The following FRMD7 variants were observed in gnomAD, a reference collection of about 807,000 sequenced individuals.
The protein encoded by FRMD7 is FERM domain-containing protein 7.
Under a neutral mutation model 44.1 loss-of-function variants are expected in FRMD7, and 14 were observed. That is an observed-to-expected ratio of 0.32 (90% CI 0.21 to 0.50). The LOEUF (loss-of-function observed/expected upper bound fraction) is 0.50, where lower values mean the gene tolerates loss of function less well. Among genes scored for constraint, FRMD7 ranks in the 20% least tolerant of loss-of-function variants. The pLI is 0.99. For missense variants in FRMD7, 501 were observed against 522.3 expected (o/e 0.96, Z 0.40); for synonymous variants, 212 against 187.4 (o/e 1.13, Z -1.07).
chrX:132,081,089 C>A (rs1368699221), intron 9 of FRMD7, among the ~76,000 whole-genome samples: 2 of 111,627 alleles, frequency 1.8e-5, no homozygotes, highest in Non-Finnish European at 3.8e-5. Flanking sequence ...AATTCGAGCA[C>A]TTTGGGAGGC....
intron 3 of FRMD7, among the ~76,000 whole-genome samples, chrX:132,098,689 T>TAAACA (rs1928413106): frequency 9.5e-6 from 1 of 104,860 alleles, no homozygotes; most frequent in Admixed American, 1.1e-4. Context: ...TGGAATTTTG[T>TAAACA]TTTCAATAGA....
At chrX:132,109,425 A>C (rs1928725499) in intron 1 of FRMD7, among the ~76,000 whole-genome samples, 1 of 111,801 alleles carries the variant, frequency 8.9e-6, no homozygotes, top group Non-Finnish European at 1.9e-5. Context: ...CTCTGGGCTT[A>C]ATTTTCATGT....
chrX:132,080,738 T>C (rs5933063), intron 9 of FRMD7, among the ~76,000 whole-genome samples: 34,796 of 110,116 alleles, frequency 0.32, 4,437 homozygotes, highest in African/African-American at 0.43. Flanking sequence ...TGCTTGAGCC[T>C]GGGAGGCAAG....
chrX:132,100,050 G>A (rs1207793401), intron 2 of FRMD7, among the ~76,000 whole-genome samples: 1 of 112,257 alleles, frequency 8.9e-6, no homozygotes, highest in Non-Finnish European at 1.9e-5. Flanking sequence ...CTCTGGAAAG[G>A]CAAAATTGAT....
At chrX:132,113,895 T>G (rs1446977452) in intron 1 of FRMD7, among the ~76,000 whole-genome samples, 1 of 110,431 alleles carries the variant, frequency 9.1e-6, no homozygotes. Flanking sequence ...TCTATTTTTT[T>G]TTCTACTGAT....
At chrX:132,117,688 A>G (rs1449634568) in intron 1 of FRMD7, among the ~76,000 whole-genome samples, 1 of 112,146 alleles carries the variant, frequency 8.9e-6, no homozygotes, top group Admixed American at 9.4e-5. Flanking sequence ...AGCTCAATGC[A>G]TGTGATGTAA....
At chrX:132,094,252 C>T (rs1038081114) in intron 4 of FRMD7, 113 bp from the exon 5 acceptor site, 1 of 538,085 alleles carries the variant, frequency 1.9e-6, no homozygotes, top group Non-Finnish European at 3.2e-6. Flanking sequence ...CCCAGTCAGT[C>T]AGATGCCTTT....
chrX:132,097,356 A>G lies in FRMD7; in HGVS notation c.206-12T>C, dbSNP rs1348399023. On this transcript the variant is annotated splice_polypyrimidine_tract_variant and intron_variant, in intron 3 of 11. Coordinates refer to ENST00000298542, the MANE Select transcript of FRMD7 (RefSeq NM_194277.3). ...AATCTCCTTAGGATCTTAAAACACA[A>G]TATCTCCATAAGTTTTATTTAAATG... The G allele has an allele frequency of 9.8e-7, 1 of 1,021,807 alleles. No individual in the cohort carries two copies. The allele number at this position is 1,021,807 out of a possible 1,213,427, so 84.2% of individuals were successfully genotyped here.
intron 1 of FRMD7, among the ~76,000 whole-genome samples, chrX:132,111,563 G>A (rs1167969506): frequency 8.9e-6 from 1 of 112,050 alleles, no homozygotes; most frequent in Non-Finnish European, 1.9e-5. Flanking sequence ...ATCTATAATA[G>A]TATAAGCACA....
intron 1 of FRMD7, among the ~76,000 whole-genome samples, chrX:132,118,380 AGAGT>A (rs931118596): frequency 1.5e-4 from 17 of 110,367 alleles, no homozygotes; most frequent in Non-Finnish European, 2.8e-4. Flanking sequence ...GACGCATTGA[AGAGT>A]GAGTAGGGCA....
intron 10 of FRMD7, 44 bp downstream of exon 10, chrX:132,080,154 T>C: frequency 8.8e-7 from 1 of 1,141,021 alleles, no homozygotes; most frequent in Non-Finnish European, 1.2e-6. Context: ...AATCTCCAAA[T>C]TCAACATAAA....
intron 1 of FRMD7, among the ~76,000 whole-genome samples, chrX:132,110,728 C>T (rs1316626318): frequency 8.9e-6 from 1 of 112,354 alleles, no homozygotes; most frequent in East Asian, 2.8e-4. Context: ...CAGAACATTC[C>T]TCACCAATGT....
In FRMD7 at chrX:132,078,400, T is replaced by A. The variant is rs759297206; in HGVS notation, c.1617A>T (p.Arg539Ser). 8 of 1,209,836 alleles carry A rather than the reference T, an allele frequency of 6.6e-6. No individual in the cohort carries two copies. The highest frequency in any genetic ancestry group is 8.9e-6 in the Non-Finnish European group (8 of 895,072). Residue 539 changes from arginine to serine, a missense_variant, in exon 12 of 12, where the codon AGA (arginine) becomes AGT (serine). This residue lies in a region of FRMD7 where 453 missense variants were observed against 452.7 expected (regional missense o/e 1.00). Transcript: ENST00000298542. ...KPAERSPRNIRMKSFQQDLQV... is the reference protein window; with the variant it reads ...KPAERSPRNISMKSFQQDLQV... Reference sequence around the variant, plus strand: ...GCAGGTCTTGCTGAAAGCTCTTCATTCTGATATTCCTTGGGCTTCTTTCAG... The same window carrying A: ...GCAGGTCTTGCTGAAAGCTCTTCATACTGATATTCCTTGGGCTTCTTTCAG...
intron 5 of FRMD7, among the ~76,000 whole-genome samples, chrX:132,092,365 A>C (rs1042415504): frequency 1.8e-5 from 2 of 111,560 alleles, no homozygotes; most frequent in Non-Finnish European, 3.8e-5. Context: ...TTAGACAAAT[A>C]AATGTGGAGG....
At chrX:132,096,030 G>T in intron 4 of FRMD7, among the ~76,000 whole-genome samples, 1 of 110,637 alleles carries the variant, frequency 9.0e-6, no homozygotes, top group Non-Finnish European at 1.9e-5. Flanking sequence ...TTTTTTTTTG[G>T]AGGTGGGGGG....
At chrX:132,109,069 T>G (rs1928716871) in intron 1 of FRMD7, among the ~76,000 whole-genome samples, 1 of 112,252 alleles carries the variant, frequency 8.9e-6, no homozygotes. Flanking sequence ...AAGGGCAATA[T>G]TTATTTGAAT....
At chrX:132,085,536 C>T in intron 7 of FRMD7, 45 bp downstream of exon 7, 2 of 1,176,096 alleles carry the variant, frequency 1.7e-6, no homozygotes, top group South Asian at 1.8e-5. Flanking sequence ...CCAAGATAAC[C>T]ACCCCTCACT....
intron 4 of FRMD7, among the ~76,000 whole-genome samples, chrX:132,096,222 C>T (rs1928329293): frequency 9.0e-6 from 1 of 111,516 alleles, no homozygotes; most frequent in Non-Finnish European, 1.9e-5. Context: ...GCGACTTTTG[C>T]AAAGGCCACT....
chrX:132,110,210 G>A (rs1021664733), intron 1 of FRMD7, among the ~76,000 whole-genome samples: 1 of 111,550 alleles, frequency 9.0e-6, no homozygotes, highest in African/African-American at 3.3e-5. Context: ...CGATGCTGCT[G>A]GTCTGTGGGC....
Sources: allele counts gnomAD v4.1 joint callset (sites outside exome capture counted in the v4.1 genomes callset), GRCh38; gene constraint gnomAD v4.1.1; regional missense constraint gnomAD v4.1.1; transcripts MANE v1.5; gene names NCBI Gene and HGNC (gene_info 2026-07-23, HGNC 2026-07-21).